LRRIQ1: variants seen among roughly 807,000 people sequenced by gnomAD.
LRRIQ1 encodes the protein leucine rich repeats and IQ motif containing 1, also known as leucine-rich repeat- and IQ domain-containing protein 1.
In LRRIQ1, 210 loss-of-function variants were observed where a neutral mutation model predicts 211.9. The ratio of observed to expected loss-of-function variants is 0.99; its 90% CI spans 0.89 to 1.11. The LOEUF is 1.11. LRRIQ1 is among the 50% of genes most tolerant of loss of function. The pLI is 0.00. For synonymous variants in LRRIQ1, 699 were observed against 650.1 expected (o/e 1.08, Z -1.14); for missense variants, 2,136 against 1,939.5 (o/e 1.10, Z -1.90).
At chr12:85,098,293 A>C in intron 11 of LRRIQ1, 62 bp from the exon 12 acceptor site, 1 of 1,119,352 alleles carries the variant, frequency 8.9e-7, no homozygotes, top group Non-Finnish European at 1.3e-6. Flanking sequence ...AAAAATGGAA[A>C]CTTTCTTCTA....
intron 7 of LRRIQ1, among the ~76,000 whole-genome samples, chr12:85,054,672 A>G (rs1160240353): frequency 2.0e-5 from 3 of 151,896 alleles, no homozygotes; most frequent in Admixed American, 2.0e-4. Context: ...TTAAGTAATC[A>G]GCTATCCAGC....
intron 7 of LRRIQ1, 85 bp from the exon 8 acceptor site, chr12:85,055,462 G>A: frequency 9.0e-7 from 1 of 1,106,780 alleles, no homozygotes; most frequent in South Asian, 3.2e-5. Flanking sequence ...TTTAGTATTT[G>A]TTTTCAATCT....
chr12:85,186,871 A>G (rs1437810316), intron 24 of LRRIQ1, among the ~76,000 whole-genome samples: 1 of 152,022 alleles, frequency 6.6e-6, no homozygotes, highest in Non-Finnish European at 1.5e-5. Context: ...GAGTTGATGT[A>G]GAGAAGTAGC....
chr12:85,044,202 A>G (rs981642885), intron 3 of LRRIQ1, among the ~76,000 whole-genome samples: 2 of 152,294 alleles, frequency 1.3e-5, no homozygotes, highest in Admixed American at 1.3e-4. Flanking sequence ...ATTGAATGAA[A>G]GAAAATAAAC....
intron 15 of LRRIQ1, among the ~76,000 whole-genome samples, chr12:85,113,526 T>A (rs1887336104): frequency 6.6e-6 from 1 of 152,172 alleles, no homozygotes; most frequent in South Asian, 2.1e-4. Flanking sequence ...CACAGTCCCT[T>A]GTATGTAATA....
rs1247945751 is a variant in LRRIQ1, at chr12:85,038,095, CAAATT to C, written c.-24-56_-24-52del. The C allele has an allele frequency of 5.1e-6, 6 of 1,176,310 alleles. No individual in the cohort carries two copies. In the South Asian group the frequency reaches 1.2e-4, roughly 24 times the overall value. 72.9% of individuals were successfully genotyped at this position (1,176,310 alleles called of 1,614,324 possible). On this transcript the variant is annotated intron_variant, in intron 1 of 26. Transcript: ENST00000393217. ...AAATAAATATGTTGGATTGGTATGA[CAAATT>C]AGAGAACACATAATTTTTAGTGACA...
At chr12:85,052,110 C>T in intron 6 of LRRIQ1, 67 bp from the exon 7 acceptor site, 2 of 884,106 alleles carry the variant, frequency 2.3e-6, no homozygotes, top group Non-Finnish European at 3.4e-6. Context: ...TTATGAGAAT[C>T]ATATATAATT....
intron 17 of LRRIQ1, 77 bp downstream of exon 17, chr12:85,124,596 T>G: frequency 3.7e-6 from 4 of 1,078,314 alleles, no homozygotes; most frequent in Non-Finnish European, 5.4e-6. Context: ...CAATGGTACC[T>G]AGTAATTTGC....
intron 24 of LRRIQ1, among the ~76,000 whole-genome samples, chr12:85,209,018 T>TA (rs1893703765): frequency 6.6e-6 from 1 of 152,168 alleles, no homozygotes; most frequent in African/African-American, 2.4e-5. Flanking sequence ...ACTCACCAGT[T>TA]ACCTTAATAT....
chr12:85,116,247 A>G (rs1592825437), intron 15 of LRRIQ1, among the ~76,000 whole-genome samples: 3 of 152,032 alleles, frequency 2.0e-5, no homozygotes, highest in South Asian at 2.1e-4. Flanking sequence ...GGTTCATGCC[A>G]TTCTCCTGCC....
chr12:85,198,013 T>C (rs1235533803), intron 24 of LRRIQ1, among the ~76,000 whole-genome samples: 1 of 59,636 alleles, frequency 1.7e-5, no homozygotes, highest in African/African-American at 6.0e-5. Context: ...ATATATAATA[T>C]ATTATATTAT....
intron 11 of LRRIQ1, among the ~76,000 whole-genome samples, chr12:85,075,478 G>C (rs770503518): frequency 6.6e-6 from 1 of 152,032 alleles, no homozygotes; most frequent in Non-Finnish European, 1.5e-5. Context: ...CGAAGCTGGC[G>C]CAGGCAAGTT....
In LRRIQ1 at chr12:85,131,779, A is replaced by G. The variant is rs551516230; in HGVS notation, c.4209+3746A>G. On this transcript the variant is annotated intron_variant, in intron 18 of 26. Coordinates refer to ENST00000393217, the MANE Select transcript of LRRIQ1 (RefSeq NM_001079910.2). ...TAGTTGGAGAACAAAAAGATGTTAG[A>G]TATGTCCAGTAGAGAATTGTCAGGC... Among the ~76,000 whole-genome samples, 7 of 152,238 alleles carry G rather than the reference A, an allele frequency of 4.6e-5. No homozygotes were observed. The South Asian group carries it at 1.2e-3, about 27-fold the overall frequency.
rs1886801235 is a variant in LRRIQ1, at chr12:85,106,599, C to T, written c.3361C>T (p.Gln1121Ter). 6.8e-6 allele frequency: 11 copies of T among 1,610,940 alleles called. No homozygotes were observed. Among genetic ancestry groups the T allele is most frequent in the Non-Finnish European group, 9.3e-6 (11 of 1,177,940 alleles). The change falls in exon 15 of 27, where the codon CAA becomes TAA. Residue 1121 changes from glutamine to a stop codon, truncating the protein, a stop_gained. Coordinates refer to ENST00000393217, the MANE Select transcript of LRRIQ1 (RefSeq NM_001079910.2). LOFTEE classifies it high-confidence loss of function. ...GTCTCTTACTGGAAACCCACTTCTT[C>T]AAGAAACAAACTGGAGGTAAAGAGG... ...ELSLTGNPLL[Q>*]ETNWRDSLLK...
chr12:85,239,491 A>G (rs1026627655), intron 26 of LRRIQ1, among the ~76,000 whole-genome samples: 2 of 151,880 alleles, frequency 1.3e-5, no homozygotes, highest in Non-Finnish European at 2.9e-5. Flanking sequence ...AAAAATACCC[A>G]CACTTGTAAG....
intron 24 of LRRIQ1, among the ~76,000 whole-genome samples, chr12:85,198,314 G>T (rs539808342): frequency 1.3e-5 from 2 of 149,570 alleles, no homozygotes; most frequent in South Asian, 2.1e-4. Flanking sequence ...TATTTCCTTG[G>T]GTGTATACCC....
chr12:85,255,456 A>C (rs573919094), intron 1 of LRRIQ1, among the ~76,000 whole-genome samples: 6 of 151,918 alleles, frequency 3.9e-5, no homozygotes, highest in African/African-American at 1.4e-4. Context: ...TCATATAAAA[A>C]CAATAAAATG....
chr12:85,120,492 T>C (rs1453660699), intron 15 of LRRIQ1, among the ~76,000 whole-genome samples: 2 of 152,254 alleles, frequency 1.3e-5, no homozygotes. Flanking sequence ...TTTCCTTCAA[T>C]ATTGAGTTGG....
intron 24 of LRRIQ1, among the ~76,000 whole-genome samples, chr12:85,224,991 T>C (rs1894579685): frequency 6.6e-6 from 1 of 152,120 alleles, no homozygotes; most frequent in African/African-American, 2.4e-5. Flanking sequence ...ACATTTATTA[T>C]AATACTCACT....
Sources: gnomAD v4.1 joint callset for allele counts (sites outside exome capture counted in the v4.1 genomes callset) on GRCh38, gnomAD v4.1.1 for gene constraint, MANE v1.5 for transcripts, NCBI Gene and HGNC (gene_info 2026-07-23, HGNC 2026-07-21) for gene names.